Variants in CFAP20DC observed in about 807,000 individuals in gnomAD.
CFAP20DC encodes the protein protein CFAP20DC.
Under a neutral mutation model 101.7 loss-of-function variants are expected in CFAP20DC, and 84 were observed. The observed-to-expected ratio is 0.83, with a 90% CI of 0.69 to 0.99. The LOEUF (loss-of-function observed/expected upper bound fraction) is 0.99, where lower values mean the gene tolerates loss of function less well. CFAP20DC is among the 50% of genes least tolerant of loss of function. The pLI is 0.00. For synonymous variants in CFAP20DC, 359 were observed against 351.2 expected, an observed-to-expected ratio of 1.02 and a Z score of -0.25; for missense variants, 1,007 against 970.3, an observed-to-expected ratio of 1.04 and a Z score of -0.50.
chr3:58,965,448 CT>C (rs1205753909), intron 4 of CFAP20DC, among the ~76,000 whole-genome samples: 6 of 151,890 alleles, frequency 4.0e-5, no homozygotes, highest in African/African-American at 1.2e-4. Flanking sequence ...CTCAATAAAT[CT>C]TTTTTTTAAA....
At chr3:58,989,068 A>G (rs2092846399) in intron 4 of CFAP20DC, among the ~76,000 whole-genome samples, 1 of 152,166 alleles carries the variant, frequency 6.6e-6, no homozygotes, top group Non-Finnish European at 1.5e-5. Context: ...GGCAGAAATA[A>G]TGAAAAATCA....
At chr3:58,816,091 C>G (rs1436263857) in intron 14 of CFAP20DC, among the ~76,000 whole-genome samples, 1 of 151,734 alleles carries the variant, frequency 6.6e-6, no homozygotes, top group African/African-American at 2.4e-5. Context: ...TTCACAATAG[C>G]AAAGACTGGG....
At chr3:58,895,391 G>A (rs1178409301) in intron 6 of CFAP20DC, among the ~76,000 whole-genome samples, 1 of 152,108 alleles carries the variant, frequency 6.6e-6, no homozygotes, top group Non-Finnish European at 1.5e-5. Context: ...TCCCTCTCAA[G>A]GTCAAAGTTC....
intron 4 of CFAP20DC, among the ~76,000 whole-genome samples, chr3:58,999,810 A>G (rs2108736531): frequency 6.6e-6 from 1 of 151,036 alleles, no homozygotes; most frequent in East Asian, 1.9e-4. Context: ...TGTTGCCATG[A>G]AAACTGTCAG....
rs1482684549 is a variant in CFAP20DC, at chr3:58,868,575, T to A, written c.1016-639A>T. ...ATTCCCATTTTACAGAGGAGAAAAC[T>A]AAGGTTCACAGCGTTTAAGAAACTT... On this transcript the variant is annotated intron_variant, in intron 9 of 16. Coordinates refer to ENST00000482387, the MANE Select transcript of CFAP20DC (RefSeq NM_001394063.1). The surrounding 1 kb of genome is among the most constrained non-coding windows in gnomAD (Gnocchi z 4.6). Among the ~76,000 whole-genome samples, 1 of 152,110 alleles carries A rather than the reference T, an allele frequency of 6.6e-6. No homozygotes were observed. The highest frequency in any genetic ancestry group is 2.4e-5 in the African/African-American group (1 of 41,424).
In CFAP20DC at chr3:58,894,602, GC is replaced by G. The variant is rs1576189336; in HGVS notation, c.551-9894del. ...CCATCTTAGATGCTTTCATGGGCTG[GC>G]ACTGTCTGTGGGTTTTCCAGGCACA... On this transcript the variant is annotated intron_variant, in intron 6 of 16. Coordinates refer to ENST00000482387, the MANE Select transcript of CFAP20DC (RefSeq NM_001394063.1). The surrounding 1 kb of genome is among the most constrained non-coding windows in gnomAD (Gnocchi z 4.1). 6.6e-6 allele frequency among the ~76,000 whole-genome samples: 1 copy of G among 152,294 alleles called. No individual in the cohort carries two copies. The highest frequency in any genetic ancestry group is 1.9e-4 in the East Asian group (1 of 5,166).
chr3:58,996,084 C>T (rs942934970), intron 4 of CFAP20DC, among the ~76,000 whole-genome samples: 1 of 150,702 alleles, frequency 6.6e-6, no homozygotes, highest in Non-Finnish European at 1.5e-5. Flanking sequence ...TGTTAAATTG[C>T]TTTGGTATAA....
At chr3:58,793,496 G>C (rs2073014093) in intron 15 of CFAP20DC, among the ~76,000 whole-genome samples, 1 of 152,012 alleles carries the variant, frequency 6.6e-6, no homozygotes, top group South Asian at 2.1e-4. Flanking sequence ...CAAAATGAAG[G>C]CAGTTTCAGG....
At chr3:58,718,248 T>G (rs1045346442) in intron 3 of CFAP20DC, among the ~76,000 whole-genome samples, 1 of 152,238 alleles carries the variant, frequency 6.6e-6, no homozygotes, top group African/African-American at 2.4e-5. Flanking sequence ...CTCTAACTGA[T>G]GGATCTCAGG....
rs1398618919 is a variant in CFAP20DC at position 58,937,696 on chromosome 3, G to A, written c.345C>T (p.Ser115=). The A allele has an allele frequency of 1.2e-6, 2 of 1,612,750 alleles. 1 individual carries two copies. Among genetic ancestry groups the A allele is most frequent in the South Asian group, 2.2e-5 (2 of 91,028 alleles). The part of the protein sequence containing the change: ...YLSTVHKELS[S]TPLHAKIPLF... ...GTGGAATTTTTGCATGAAGAGGGGT[G>A]GAGGATAGTTCCTTATGGACCGTTG... is the stretch of plus-strand genomic sequence containing the variant. Residue 115 remains serine, a synonymous_variant, in exon 5 of 17, where the codon TCC becomes TCT. Transcript: ENST00000482387.
intron 14 of CFAP20DC, among the ~76,000 whole-genome samples, chr3:58,809,866 G>C (rs995075552): frequency 2.6e-5 from 4 of 151,868 alleles, no homozygotes; most frequent in Non-Finnish European, 5.9e-5. Flanking sequence ...AATGATAAAG[G>C]GGATATCACC....
Position 58,863,613 on chromosome 3 carries a change from G to C in CFAP20DC, c.1538C>G (p.Thr513Arg). ...ILDLKEDNSVTSRDTQSEDDF... is the reference protein window; with the variant it reads ...ILDLKEDNSVRSRDTQSEDDF... ...ATCCTCTGATTGGGTGTCTCTGCTT[G>C]TCACACTGTTATCCTCTTTTAGATC... Residue 513 changes from threonine to arginine, a missense_variant, in exon 12 of 17, where the codon ACA (threonine) becomes AGA (arginine). Thr to Arg is a moderately conservative substitution (Grantham distance 71). Transcript: ENST00000482387. This position sits in a 1 kb window ranked among gnomAD's most constrained non-coding sequence, Gnocchi z 5.9. The C allele has an allele frequency of 6.2e-7, 1 of 1,614,126 alleles. No individual in the cohort carries two copies. Among genetic ancestry groups the C allele is most frequent in the Non-Finnish European group, 8.5e-7 (1 of 1,180,024 alleles).
At chr3:58,749,930 G>T (rs2068452923) in intron 16 of CFAP20DC, among the ~76,000 whole-genome samples, 1 of 152,140 alleles carries the variant, frequency 6.6e-6, no homozygotes, top group African/African-American at 2.4e-5. Context: ...TAAGTGTTAA[G>T]GGCACCATGT....
chr3:58,763,879 G>T (rs942986264), intron 15 of CFAP20DC, among the ~76,000 whole-genome samples: 1 of 152,212 alleles, frequency 6.6e-6, no homozygotes, highest in African/African-American at 2.4e-5. Context: ...AAATGTTGCT[G>T]CCTGATAGTT....
chr3:59,024,396 A>C (rs2093855938), intron 4 of CFAP20DC, among the ~76,000 whole-genome samples: 1 of 152,144 alleles, frequency 6.6e-6, no homozygotes, highest in African/African-American at 2.4e-5. Flanking sequence ...TTGGGATCTA[A>C]TTGCTCTGGC....
At chr3:58,719,764 G>A (rs2067445277) in intron 3 of CFAP20DC, among the ~76,000 whole-genome samples, 1 of 152,202 alleles carries the variant, frequency 6.6e-6, no homozygotes, top group South Asian at 2.1e-4. Flanking sequence ...ACTACTTTTG[G>A]GTAAGAGGCT....
intron 5 of CFAP20DC, among the ~76,000 whole-genome samples, chr3:58,927,071 T>C (rs868847860): frequency 6.6e-5 from 10 of 152,218 alleles, no homozygotes; most frequent in African/African-American, 2.4e-4. Flanking sequence ...AATCGGATAG[T>C]TTTTAATTTT....
At chr3:58,739,048 G>T (rs919093977), downstream of CFAP20DC, among the ~76,000 whole-genome samples, 2 of 152,160 alleles carry the variant, frequency 1.3e-5, no homozygotes, top group Admixed American at 6.5e-5. Flanking sequence ...TGAAATGACT[G>T]ATTTAAATGA....
rs865808935 is a variant in CFAP20DC at position 58,937,712 on chromosome 3, T to C, written c.329A>G (p.His110Arg). The C allele has an allele frequency of 1.9e-6, 3 of 1,612,672 alleles. No homozygotes were observed. Among genetic ancestry groups the C allele is most frequent in the Admixed American group, 1.7e-5 (1 of 59,992 alleles). The change falls in exon 5 of 17, where the codon CAT (histidine) becomes CGT (arginine). Residue 110 changes from histidine (H) to arginine (R), a missense_variant. Coordinates refer to ENST00000482387, the MANE Select transcript of CFAP20DC (RefSeq NM_001394063.1). ...IKRRLYLSTV[H>R]KELSSTPLHA... ...AAGAGGGGTGGAGGATAGTTCCTTA[T>C]GGACCGTTGATAAATATAATCTTCT...
Sources: allele counts gnomAD v4.1 joint callset (sites outside exome capture counted in the v4.1 genomes callset), GRCh38; gene constraint gnomAD v4.1.1; non-coding constraint Gnocchi (gnomAD v3.1); transcripts MANE v1.5; gene names NCBI Gene and HGNC (gene_info 2026-07-23, HGNC 2026-07-21).